The following BTBD8 variants were observed in gnomAD, a reference collection of about 807,000 sequenced individuals.
BTBD8 encodes BTB domain containing 8.
In BTBD8, 110 loss-of-function variants were observed where a neutral mutation model predicts 162.9. The ratio of observed to expected loss-of-function variants is 0.68; its 90% CI spans 0.58 to 0.79. The LOEUF (loss-of-function observed/expected upper bound fraction) is 0.79, where lower values mean the gene tolerates loss of function less well. BTBD8 is among the 30% of genes least tolerant of loss of function. BTBD8 has a pLI of 0.00. For missense variants in BTBD8, 1,905 were observed against 2,085.4 expected, an observed-to-expected ratio of 0.91 and a Z score of 1.68; for synonymous variants, 667 against 716.1, an observed-to-expected ratio of 0.93 and a Z score of 1.10.
intron 4 of BTBD8, among the ~76,000 whole-genome samples, chr1:92,129,194 T>C (rs1570734591): frequency 6.6e-6 from 1 of 152,140 alleles, no homozygotes; most frequent in East Asian, 1.9e-4. Flanking sequence ...AGCAAGGGCA[T>C]TGGAATTAAT....
chr1:92,141,078 A>G (rs1407867048), intron 6 of BTBD8, 37 bp from the exon 7 acceptor site: 1 of 1,495,616 alleles, frequency 6.7e-7, no homozygotes, highest in African/African-American at 1.4e-5. Context: ...TTGATTTTTA[A>G]ATTGGAGAAT....
intron 2 of BTBD8, among the ~76,000 whole-genome samples, chr1:92,096,308 C>T (rs1359324590): frequency 6.6e-6 from 1 of 152,144 alleles, no homozygotes; most frequent in Non-Finnish European, 1.5e-5. Context: ...GTCCTCATTT[C>T]CCTCCTTACT....
chr1:92,172,350 T>C (rs1346715665), intron 13 of BTBD8, among the ~76,000 whole-genome samples: 2 of 152,218 alleles, frequency 1.3e-5, no homozygotes, highest in African/African-American at 4.8e-5. Context: ...ACGAAGTGCA[T>C]GCAGCTAACA....
intron 2 of BTBD8, among the ~76,000 whole-genome samples, chr1:92,095,108 G>C (rs995133321): frequency 6.6e-6 from 1 of 152,174 alleles, no homozygotes; most frequent in Non-Finnish European, 1.5e-5. Context: ...CTGTGAACCA[G>C]CCAATCCTAA....
At chr1:92,147,872 A>G in intron 9 of BTBD8, 86 bp downstream of exon 9, 2 of 1,160,674 alleles carry the variant, frequency 1.7e-6, no homozygotes, top group East Asian at 4.8e-5. Flanking sequence ...GTTGAAATAT[A>G]AATGTAAAAT....
At chr1:92,166,879 A>G (rs935362744) in intron 9 of BTBD8, 79 bp from the exon 10 acceptor site, 6 of 1,390,502 alleles carry the variant, frequency 4.3e-6, no homozygotes, top group African/African-American at 1.5e-5. Flanking sequence ...CCATAACAAC[A>G]AAAGTATTTG....
At position 92,181,603 on chromosome 1, in the gene BTBD8, C is replaced by T; in HGVS notation, c.3920C>T (p.Pro1307Leu). The stretch of plus-strand genomic sequence containing the variant: ...AGAAGTAGCAGTGATACCAGTACTC[C>T]TGAAGAATTAAAAATTTATGATAGT... ...LGRSSSDTST[P>L]EELKIYDSNL... The change falls in exon 17 of 18, where the codon CCT becomes CTT. Residue 1307 changes from proline (P) to leucine (L), a missense_variant. Physicochemically the swap from Pro to Leu is moderately conservative, Grantham distance 98. Coordinates refer to ENST00000636805, the MANE Select transcript of BTBD8 (RefSeq NM_001376131.1). 6.4e-7 allele frequency: 1 copy of T among 1,551,202 alleles called. No homozygotes were observed. Among genetic ancestry groups the T allele is most frequent in the Non-Finnish European group, 8.7e-7 (1 of 1,146,696 alleles).
chr1:92,102,207 C>T (rs1265959588), intron 2 of BTBD8, among the ~76,000 whole-genome samples: 1 of 151,952 alleles, frequency 6.6e-6, no homozygotes, highest in African/African-American at 2.4e-5. Context: ...TTATTAGAGA[C>T]AGGGTTTCGC....
chr1:92,088,955 G>A (rs1045099104), intron 2 of BTBD8, 60 bp downstream of exon 2: 86 of 1,346,248 alleles, frequency 6.4e-5, no homozygotes, highest in Middle Eastern at 2.7e-4. Context: ...TAACATGTAT[G>A]TTTTTATTTA....
At chr1:92,132,221 A>G (rs1302312220) in intron 5 of BTBD8, among the ~76,000 whole-genome samples, 1 of 152,156 alleles carries the variant, frequency 6.6e-6, no homozygotes, top group Non-Finnish European at 1.5e-5. Flanking sequence ...GGGGAAGGCC[A>G]TTTGGAAAGG....
At chr1:92,092,605 T>G (rs1648341087) in intron 2 of BTBD8, among the ~76,000 whole-genome samples, 1 of 152,212 alleles carries the variant, frequency 6.6e-6, no homozygotes, top group Admixed American at 6.5e-5. Flanking sequence ...TCTATGGTAT[T>G]TCATTATGGC....
Position 92,102,837 on chromosome 1 carries a change from G to A in BTBD8, c.544+168G>A, listed in dbSNP as rs138920279. 7.9e-5 allele frequency among the ~76,000 whole-genome samples: 12 copies of A among 152,038 alleles called. No homozygotes were observed. The East Asian group carries it at 2.1e-3, about 27-fold the overall frequency. On this transcript the variant is annotated intron_variant, in intron 3 of 17. Transcript: ENST00000636805. ...AACTCCCAGTTTTTCCCAAGTAATT[G>A]GAGATAGGGTTATTATGAATAAATC... is the stretch of plus-strand genomic sequence containing the variant.
intron 4 of BTBD8, among the ~76,000 whole-genome samples, chr1:92,110,764 C>T (rs1422758690): frequency 6.6e-6 from 1 of 152,078 alleles, no homozygotes; most frequent in Non-Finnish European, 1.5e-5. Context: ...AGGATGGTCT[C>T]GATCTCCTGA....
At chr1:92,138,077 G>A (rs534188438) in intron 5 of BTBD8, among the ~76,000 whole-genome samples, 9 of 152,150 alleles carry the variant, frequency 5.9e-5, no homozygotes, top group Admixed American at 1.3e-4. Flanking sequence ...GACTAGTCAA[G>A]GCAGGTTGTT....
intron 9 of BTBD8, among the ~76,000 whole-genome samples, chr1:92,151,889 T>C (rs1248336805): frequency 6.6e-6 from 1 of 152,232 alleles, no homozygotes; most frequent in East Asian, 1.9e-4. Context: ...TTCCTTTTTA[T>C]GGCTCAGTAG....
chr1:92,095,849 C>T (rs1271096760), intron 2 of BTBD8, among the ~76,000 whole-genome samples: 3 of 152,194 alleles, frequency 2.0e-5, no homozygotes, highest in Non-Finnish European at 4.4e-5. Context: ...CTACAGCCCC[C>T]CGTCATCTTG....
chr1:92,124,731 A>G (rs1367712744), intron 4 of BTBD8, among the ~76,000 whole-genome samples: 6 of 152,176 alleles, frequency 3.9e-5, no homozygotes, highest in Admixed American at 2.6e-4. Flanking sequence ...CTCTCTATAT[A>G]TGTTTTAAAT....
intron 4 of BTBD8, chr1:92,115,361 A>G (rs1649007230): frequency 6.6e-6 from 3 of 456,368 alleles, no homozygotes; most frequent in Non-Finnish European, 8.5e-6. Context: ...TACAGGAGAC[A>G]TTGCTGATGA....
chr1:92,119,631 TC>T (rs1294402890), intron 4 of BTBD8, among the ~76,000 whole-genome samples: 3 of 136,744 alleles, frequency 2.2e-5, no homozygotes, highest in Non-Finnish European at 4.9e-5. Flanking sequence ...TTTTCTTTTT[TC>T]TTTTTTTTTT....
Sources: allele counts gnomAD v4.1 joint callset (sites outside exome capture counted in the v4.1 genomes callset), GRCh38; gene constraint gnomAD v4.1.1; transcripts MANE v1.5; gene names NCBI Gene and HGNC (gene_info 2026-07-23, HGNC 2026-07-21).